Variants in SEPTIN9 observed in about 807,000 individuals in gnomAD.
SEPTIN9 encodes the protein septin 9.
Under a neutral mutation model 56.6 loss-of-function variants are expected in SEPTIN9, and 13 were observed. The ratio of observed to expected loss-of-function variants is 0.23; its 90% CI spans 0.15 to 0.37. SEPTIN9 has a LOEUF of 0.37. Ranked by LOEUF, SEPTIN9 falls within the 10% of genes least tolerant of loss-of-function variation. The pLI is 1.00. For synonymous variants in SEPTIN9, 332 were observed against 334.1 expected (o/e 0.99, Z 0.07); for missense variants, 650 against 823.1 (o/e 0.79, Z 2.57).
rs139955212 is a variant in SEPTIN9 at position 77,292,772 on chromosome 17, G to A, written c.19+11218G>A. On this transcript the variant is annotated intron_variant, in intron 1 of 11. Transcript: ENST00000427177. ...GCCTCCCAAAGTGCTGAGATTACGG[G>A]CATGAGCCACCAGGCCCGGCCGTTG... is the stretch of plus-strand genomic sequence containing the variant. Among the ~76,000 whole-genome samples, 680 of 152,182 alleles carry A rather than the reference G, an allele frequency of 4.5e-3. 6 individuals carry two copies. The highest frequency in any genetic ancestry group is 0.015 in the African/African-American group (639 of 41,520).
At chr17:77,324,337 C>T (rs2033052775) in intron 2 of SEPTIN9, among the ~76,000 whole-genome samples, 1 of 152,182 alleles carries the variant, frequency 6.6e-6, no homozygotes, top group Admixed American at 6.5e-5. Context: ...CCCTGTTGTC[C>T]CCGTGTGTCT....
At chr17:77,324,623 A>T (rs1020366440) in intron 2 of SEPTIN9, among the ~76,000 whole-genome samples, 2 of 151,998 alleles carry the variant, frequency 1.3e-5, no homozygotes, top group African/African-American at 4.8e-5. Context: ...TTTCGTGTTT[A>T]TTGCTCATTT....
chr17:77,363,997 G>A (rs1207910556), intron 2 of SEPTIN9, among the ~76,000 whole-genome samples: 2 of 152,118 alleles, frequency 1.3e-5, no homozygotes, highest in Admixed American at 6.6e-5. Context: ...AAAGTGAGGA[G>A]GGGGAACAGA....
In SEPTIN9 at chr17:77,456,114, C is replaced by T. The variant is rs1346989023; in HGVS notation, c.722-26030C>T. Among the ~76,000 whole-genome samples, 1 of 151,666 alleles carries T rather than the reference C, an allele frequency of 6.6e-6. No individual in the cohort carries two copies. The highest frequency in any genetic ancestry group is 1.5e-5 in the Non-Finnish European group (1 of 67,954). Reference sequence around the variant, plus strand: ...CACTGCCCGTGGCCGGTGTCATCTGCCAGCCCTGAAGACTAATGATGGGCT... The same window carrying T: ...CACTGCCCGTGGCCGGTGTCATCTGTCAGCCCTGAAGACTAATGATGGGCT... On this transcript the variant is annotated intron_variant, in intron 3 of 11. Transcript: ENST00000427177. The surrounding 1 kb of genome is among the most constrained non-coding windows in gnomAD (Gnocchi z 6.0).
intron 3 of SEPTIN9, among the ~76,000 whole-genome samples, chr17:77,404,088 A>T (rs2035987879): frequency 6.6e-6 from 1 of 152,212 alleles, no homozygotes. Flanking sequence ...CTAAAGGTTC[A>T]TCCGTCGTGC....
chr17:77,490,583 C>T (rs1568119111), intron 7 of SEPTIN9, among the ~76,000 whole-genome samples, 159 bp from the exon 8 acceptor site: 1 of 152,214 alleles, frequency 6.6e-6, no homozygotes, highest in Non-Finnish European at 1.5e-5. Context: ...GCCCCACACT[C>T]ACAGCGTGGC....
At chr17:77,378,346 C>T (rs1008882029) in intron 2 of SEPTIN9, among the ~76,000 whole-genome samples, 11 of 152,166 alleles carry the variant, frequency 7.2e-5, no homozygotes, top group African/African-American at 1.4e-4. Context: ...TGGGCGGCTT[C>T]GGTTTCTTCA....
intron 2 of SEPTIN9, among the ~76,000 whole-genome samples, chr17:77,386,405 T>C (rs1290159497): frequency 6.6e-6 from 1 of 152,056 alleles, no homozygotes; most frequent in Non-Finnish European, 1.5e-5. Flanking sequence ...CTTCACAAGA[T>C]GGGTATCTGG....
chr17:77,454,618 C>T (rs914853081), intron 3 of SEPTIN9, among the ~76,000 whole-genome samples: 1 of 152,244 alleles, frequency 6.6e-6, no homozygotes, highest in Non-Finnish European at 1.5e-5. Flanking sequence ...AGCCTTGCTC[C>T]GGGGCCTGTA....
intron 2 of SEPTIN9, among the ~76,000 whole-genome samples, chr17:77,353,686 A>G (rs1458874020): frequency 6.6e-6 from 1 of 152,164 alleles, no homozygotes; most frequent in East Asian, 1.9e-4. Flanking sequence ...TAGGGCAGGG[A>G]ATGAGAGCAG....
chr17:77,423,794 G>A (rs532539065), intron 3 of SEPTIN9, among the ~76,000 whole-genome samples: 2 of 152,232 alleles, frequency 1.3e-5, no homozygotes, highest in Non-Finnish European at 2.9e-5. Flanking sequence ...GAGTGAGTAA[G>A]AAAGTGGCAG....
intron 2 of SEPTIN9, among the ~76,000 whole-genome samples, chr17:77,388,136 C>T (rs1568030377): frequency 1.3e-5 from 2 of 152,258 alleles, no homozygotes; most frequent in South Asian, 2.1e-4. Context: ...CCCAGGGGCC[C>T]GCCCTGCCCG....
At chr17:77,288,582 A>G (rs985688594) in intron 1 of SEPTIN9, among the ~76,000 whole-genome samples, 1 of 152,206 alleles carries the variant, frequency 6.6e-6, no homozygotes, top group Non-Finnish European at 1.5e-5. Flanking sequence ...CTTCCCATGA[A>G]CTATGGCTCC....
intron 2 of SEPTIN9, among the ~76,000 whole-genome samples, chr17:77,372,634 G>A (rs1444274548): frequency 6.6e-6 from 1 of 152,244 alleles, no homozygotes; most frequent in Non-Finnish European, 1.5e-5. Context: ...TTCTCTGACA[G>A]CCGTGTTCCA....
intron 1 of SEPTIN9, chr17:77,281,866 G>T (rs1197760137): frequency 2.4e-6 from 1 of 417,148 alleles, no homozygotes; most frequent in East Asian, 4.4e-5. Context: ...GGTGCTTTGG[G>T]TCCCTGTGCG....
At chr17:77,387,753 C>T (rs1016623729) in intron 2 of SEPTIN9, among the ~76,000 whole-genome samples, 1 of 152,160 alleles carries the variant, frequency 6.6e-6, no homozygotes, top group Admixed American at 6.5e-5. Context: ...AGGCGGCTGT[C>T]CCTGCCACAC....
At chr17:77,322,504 C>T (rs1263859160) in intron 2 of SEPTIN9, 1 of 152,284 alleles carries the variant, frequency 6.6e-6, no homozygotes, top group African/African-American at 2.4e-5. Context: ...AGTCCCGGAG[C>T]TGTTTCCCTT....
chr17:77,460,002 T>C (rs2038391258), intron 3 of SEPTIN9, among the ~76,000 whole-genome samples: 1 of 151,942 alleles, frequency 6.6e-6, no homozygotes, highest in African/African-American at 2.4e-5. Context: ...CAATCAGATC[T>C]CCCGGACTTT....
intron 10 of SEPTIN9, among the ~76,000 whole-genome samples, chr17:77,493,935 CT>C (rs2040148125): frequency 1.3e-5 from 2 of 152,060 alleles, no homozygotes; most frequent in African/African-American, 4.8e-5. Flanking sequence ...ACCCACCTGA[CT>C]TAATTTTTGT....
Sources: allele counts gnomAD v4.1 joint callset (sites outside exome capture counted in the v4.1 genomes callset), GRCh38; gene constraint gnomAD v4.1.1; non-coding constraint Gnocchi (gnomAD v3.1); transcripts MANE v1.5; gene names NCBI Gene and HGNC (gene_info 2026-07-23, HGNC 2026-07-21).